Variants in L3MBTL4 observed in about 807,000 individuals in gnomAD.
L3MBTL4 encodes the protein lethal(3)malignant brain tumor-like protein 4.
Under a neutral mutation model 84.5 loss-of-function variants are expected in L3MBTL4, and 70 were observed. The observed-to-expected ratio is 0.83, with a 90% CI of 0.68 to 1.01. The LOEUF (loss-of-function observed/expected upper bound fraction) is 1.01. Among genes scored for constraint, L3MBTL4 ranks in the 50% least tolerant of loss-of-function variants. The probability of loss-of-function intolerance (pLI) is 0.00; values close to 1 mark genes in which losing one functional copy is unlikely to be tolerated. For missense variants in L3MBTL4, 715 were observed against 754.8 expected (o/e 0.95, Z 0.62); for synonymous variants, 274 against 259.8 (o/e 1.05, Z -0.52).
intron 13 of L3MBTL4, among the ~76,000 whole-genome samples, chr18:6,153,430 T>C (rs1428545922): frequency 6.6e-6 from 1 of 152,218 alleles, no homozygotes. Context: ...ATATTTCACC[T>C]CCTTGGTTAA....
intron 16 of L3MBTL4, among the ~76,000 whole-genome samples, chr18:5,988,917 C>A (rs2053572703): frequency 6.6e-6 from 1 of 152,202 alleles, no homozygotes; most frequent in South Asian, 2.1e-4. Context: ...CCAGTTCATT[C>A]TCTTCTCTCC....
intron 1 of L3MBTL4, among the ~76,000 whole-genome samples, chr18:6,335,331 T>C (rs1235638617): frequency 2.0e-5 from 3 of 152,114 alleles, no homozygotes; most frequent in Non-Finnish European, 4.4e-5. Context: ...CCTCAGGTGA[T>C]CCACCCGCCT....
At chr18:6,382,778 G>T (rs1225160571) in intron 1 of L3MBTL4, among the ~76,000 whole-genome samples, 1 of 152,208 alleles carries the variant, frequency 6.6e-6, no homozygotes. Context: ...TCCCAGTCAG[G>T]ATACACAGGG....
At chr18:6,061,568 C>T (rs2057221636) in intron 16 of L3MBTL4, among the ~76,000 whole-genome samples, 1 of 151,796 alleles carries the variant, frequency 6.6e-6, no homozygotes, top group Non-Finnish European at 1.5e-5. Context: ...AACTGAAGGC[C>T]ACCTAGATTT....
intron 5 of L3MBTL4, among the ~76,000 whole-genome samples, chr18:6,246,484 T>C (rs552507777): frequency 6.6e-6 from 1 of 152,240 alleles, no homozygotes; most frequent in Non-Finnish European, 1.5e-5. Context: ...CATATACTAA[T>C]GGAAAATGAT....
intron 1 of L3MBTL4, among the ~76,000 whole-genome samples, chr18:6,409,739 T>C (rs1329002849): frequency 6.6e-6 from 1 of 152,158 alleles, no homozygotes; most frequent in African/African-American, 2.4e-5. Context: ...AGCACAGTGC[T>C]GAGTGCCTGA....
intron 16 of L3MBTL4, among the ~76,000 whole-genome samples, chr18:5,976,864 C>T (rs1023228035): frequency 6.6e-6 from 1 of 152,182 alleles, no homozygotes; most frequent in Non-Finnish European, 1.5e-5. Context: ...CTAAAAGTGT[C>T]GCTGCCCAAC....
rs1385982951 is a variant in L3MBTL4, at chr18:5,958,041, GAGGAGA to G, written c.1678-1660_1678-1655del. On this transcript the variant is annotated intron_variant, in intron 18 of 18. Coordinates refer to ENST00000317931, the MANE Select transcript of L3MBTL4 (RefSeq NM_001330559.2). ...GGAGAAGGAGAAAGAGGAGGAGGAGGAGGAGAAGGAGAAGGAGAAGGAGAAGAAGAA... is the reference window on the plus strand; with the variant it reads ...GGAGAAGGAGAAAGAGGAGGAGGAGGAGGAGAAGGAGAAGGAGAAGAAGAA... 1.7e-3 allele frequency among the ~76,000 whole-genome samples: 233 copies of G among 135,778 alleles called. 1 individual carries two copies. Among genetic ancestry groups the G allele is most frequent in the East Asian group, 4.5e-3 (20 of 4,400 alleles). 89.1% of individuals were successfully genotyped at this position (135,778 alleles called of 152,430 possible).
chr18:6,392,385 C>T (rs756184708), intron 1 of L3MBTL4, among the ~76,000 whole-genome samples: 2 of 152,152 alleles, frequency 1.3e-5, no homozygotes, highest in Non-Finnish European at 2.9e-5. Flanking sequence ...TCCATCTCTA[C>T]TAAAAATACA....
intron 5 of L3MBTL4, among the ~76,000 whole-genome samples, chr18:6,252,424 C>CAAAAA (rs10683991): frequency 6.6e-6 from 1 of 151,394 alleles, no homozygotes; most frequent in African/African-American, 2.4e-5. Flanking sequence ...CATTTTTTAT[C>CAAAAA]AAAAAAAACA....
chr18:6,201,467 AT>A (rs1253979987), intron 12 of L3MBTL4, among the ~76,000 whole-genome samples: 1 of 152,202 alleles, frequency 6.6e-6, no homozygotes, highest in African/African-American at 2.4e-5. Context: ...AATGATCAGA[AT>A]GCCAGGAATG....
intron 16 of L3MBTL4, among the ~76,000 whole-genome samples, chr18:6,007,307 CA>C (rs2054532935): frequency 1.4e-5 from 2 of 141,498 alleles, no homozygotes; most frequent in South Asian, 4.6e-4. Flanking sequence ...CAATCAAACA[CA>C]AATGACCCTT....
chr18:6,319,339 T>G (rs1454299576), intron 1 of L3MBTL4, among the ~76,000 whole-genome samples: 2 of 152,008 alleles, frequency 1.3e-5, no homozygotes, highest in African/African-American at 2.4e-5. Context: ...GCTGCTTCTT[T>G]GAAAATATGA....
intron 12 of L3MBTL4, among the ~76,000 whole-genome samples, chr18:6,177,461 G>A (rs1416333179): frequency 6.6e-6 from 1 of 152,174 alleles, no homozygotes; most frequent in Admixed American, 6.5e-5. Context: ...GAGCAGGACT[G>A]GCTGAGAAGG....
intron 12 of L3MBTL4, among the ~76,000 whole-genome samples, chr18:6,185,026 G>C (rs1460163097): frequency 2.0e-5 from 3 of 152,132 alleles, no homozygotes; most frequent in Non-Finnish European, 4.4e-5. Context: ...AAAGAAGCAG[G>C]GTTTTGATTT....
At chr18:6,316,834 C>T (rs752042284) in intron 1 of L3MBTL4, among the ~76,000 whole-genome samples, 1 of 152,126 alleles carries the variant, frequency 6.6e-6, no homozygotes, top group Non-Finnish European at 1.5e-5. Context: ...GTGTTTTTCA[C>T]TGAAAGCTCC....
At chr18:6,178,645 A>G (rs2044329548) in intron 12 of L3MBTL4, among the ~76,000 whole-genome samples, 1 of 152,222 alleles carries the variant, frequency 6.6e-6, no homozygotes, top group Non-Finnish European at 1.5e-5. Context: ...CACTGAATCA[A>G]CCACTGTCTC....
chr18:6,282,101 G>A (rs575525438), intron 4 of L3MBTL4, among the ~76,000 whole-genome samples: 18 of 152,128 alleles, frequency 1.2e-4, no homozygotes, highest in Admixed American at 2.6e-4. Flanking sequence ...GCTTCTCCAT[G>A]AGTCTAAACC....
At chr18:6,116,727 T>A (rs2059371743) in intron 14 of L3MBTL4, among the ~76,000 whole-genome samples, 1 of 152,168 alleles carries the variant, frequency 6.6e-6, no homozygotes, top group African/African-American at 2.4e-5. Flanking sequence ...CATGATTAAG[T>A]TTTTTTGTTG....
Sources: allele counts gnomAD v4.1 joint callset (sites outside exome capture counted in the v4.1 genomes callset), GRCh38; gene constraint gnomAD v4.1.1; transcripts MANE v1.5; gene names NCBI Gene and HGNC (gene_info 2026-07-23, HGNC 2026-07-21).